Variants in DYNC2H1 observed in about 807,000 individuals in gnomAD.
DYNC2H1 encodes dynein cytoplasmic 2 heavy chain 1.
Under a neutral mutation model 570.0 loss-of-function variants are expected in DYNC2H1, and 410 were observed. The observed-to-expected ratio is 0.72, with a 90% CI of 0.66 to 0.78. The LOEUF is 0.78. Among genes scored for constraint, DYNC2H1 ranks in the 30% least tolerant of loss-of-function variants. DYNC2H1 has a pLI of 0.00. For synonymous variants in DYNC2H1, 1,688 were observed against 1,677.6 expected, an observed-to-expected ratio of 1.01 and a Z score of -0.15; for missense variants, 4,865 against 5,046.4, an observed-to-expected ratio of 0.96 and a Z score of 1.09.
At chr11:103,296,738 TC>T (rs1270318207) in intron 75 of DYNC2H1, among the ~76,000 whole-genome samples, 27 of 152,120 alleles carry the variant, frequency 1.8e-4, no homozygotes, top group African/African-American at 6.3e-4. Flanking sequence ...CTTTTCTGGA[TC>T]TTTTTTTTTT....
chr11:103,359,059 A>C (rs899335246), intron 83 of DYNC2H1, among the ~76,000 whole-genome samples: 1 of 152,172 alleles, frequency 6.6e-6, no homozygotes, highest in Non-Finnish European at 1.5e-5. Flanking sequence ...TGTTTGACTC[A>C]ATTTCCAGAG....
At chr11:103,206,944 CAG>C (rs1291562710) in intron 52 of DYNC2H1, among the ~76,000 whole-genome samples, 51 of 151,912 alleles carry the variant, frequency 3.4e-4, no homozygotes, top group Admixed American at 2.8e-3. Flanking sequence ...TTTTCCAAGA[CAG>C]AGTCTTGCTC....
At chr11:103,154,374 T>A in intron 22 of DYNC2H1, 77 bp from the exon 23 acceptor site, 2 of 1,294,916 alleles carry the variant, frequency 1.5e-6, no homozygotes, top group Middle Eastern at 2.4e-4. Context: ...AGGATTGCAG[T>A]TAAGTAACTT....
intron 88 of DYNC2H1, 67 bp downstream of exon 88, chr11:103,468,772 G>GAATGTCTTCTTGAA: frequency 7.8e-7 from 1 of 1,276,662 alleles, no homozygotes; most frequent in Non-Finnish European, 1.1e-6. Context: ...ATCTTTTCAA[G>GAATGTCTTCTTGAA]AAGACATTCT....
At chr11:103,364,327 T>G (rs1591634362) in intron 83 of DYNC2H1, among the ~76,000 whole-genome samples, 2 of 41,270 alleles carry the variant, frequency 4.8e-5, no homozygotes, top group South Asian at 1.6e-3. Flanking sequence ...CTTTTGATGA[T>G]TTTTTTTTTT....
intron 88 of DYNC2H1, among the ~76,000 whole-genome samples, chr11:103,476,268 A>T (rs1311074641): frequency 1.3e-5 from 2 of 152,178 alleles, no homozygotes; most frequent in African/African-American, 4.8e-5. Flanking sequence ...TCTGAAGTTC[A>T]ACTAAGGATT....
intron 85 of DYNC2H1, among the ~76,000 whole-genome samples, chr11:103,447,435 T>C (rs1471013912): frequency 2.0e-5 from 3 of 152,144 alleles, no homozygotes; most frequent in Non-Finnish European, 4.4e-5. Flanking sequence ...CTCAAATCCT[T>C]TGTACAGCTT....
intron 73 of DYNC2H1, 122 bp downstream of exon 73, chr11:103,283,207 C>G: frequency 3.1e-6 from 2 of 644,376 alleles, no homozygotes; most frequent in Non-Finnish European, 5.0e-6. Context: ...TAAGTTCCCC[C>G]AGTAAAAAGT....
At chr11:103,376,624 A>G (rs1941404578) in intron 83 of DYNC2H1, among the ~76,000 whole-genome samples, 1 of 152,148 alleles carries the variant, frequency 6.6e-6, no homozygotes, top group Non-Finnish European at 1.5e-5. Context: ...CTTGATTTAC[A>G]TCTTTGTGTA....
rs1861818535 is a variant in DYNC2H1 at position 103,176,462 on chromosome 11, A to G, written c.5874+28A>G. 12 of 1,415,986 alleles carry G rather than the reference A, an allele frequency of 8.5e-6. No homozygotes were observed. In the East Asian group the frequency reaches 3.3e-4, roughly 39 times the overall value. 87.7% of individuals were successfully genotyped at this position (1,415,986 alleles called of 1,614,324 possible). The stretch of plus-strand genomic sequence containing the variant: ...AACTGTCAAGAATATTTTATAATAG[A>G]TTGATCCCTTTTCCTAGTTGATTCC... On this transcript the variant is annotated intron_variant, in intron 37 of 88. Coordinates refer to ENST00000375735, the MANE Select transcript of DYNC2H1 (RefSeq NM_001377.3).
intron 84 of DYNC2H1, among the ~76,000 whole-genome samples, chr11:103,412,274 G>C (rs1943118865): frequency 6.6e-6 from 1 of 152,104 alleles, no homozygotes; most frequent in Non-Finnish European, 1.5e-5. Flanking sequence ...GATTGGAGTA[G>C]GAAATTTCCT....
In DYNC2H1 at chr11:103,371,927, G is replaced by GTTTTTTTTTTTTTTTTTTTTTT. The variant is rs60335910; in HGVS notation, c.12156+13572_12156+13593dup. Among the ~76,000 whole-genome samples, 5 of 67,894 alleles carry GTTTTTTTTTTTTTTTTTTTTTT rather than the reference G, an allele frequency of 7.4e-5. 1 individual carries two copies. Among genetic ancestry groups the GTTTTTTTTTTTTTTTTTTTTTT allele is most frequent in the African/African-American group, 1.3e-4 (2 of 15,048 alleles). The allele number at this position is 67,894 out of a possible 152,430, so 44.5% of individuals were successfully genotyped here. ...TTTGGTTTCTTCCTTTCCCATTTGG[G>GTTTTTTTTTTTTTTTTTTTTTT]TTTTTTTTTTTTTTTTTTTTTTTTT... On this transcript the variant is annotated intron_variant, in intron 83 of 88. Transcript: ENST00000375735.
intron 88 of DYNC2H1, among the ~76,000 whole-genome samples, chr11:103,476,752 G>A (rs1945562578): frequency 6.6e-6 from 1 of 151,892 alleles, no homozygotes; most frequent in Admixed American, 6.6e-5. Flanking sequence ...TGTGTGGGCG[G>A]CGGAGGGAGA....
intron 84 of DYNC2H1, among the ~76,000 whole-genome samples, chr11:103,425,122 G>C (rs963130479): frequency 2.0e-5 from 3 of 152,092 alleles, no homozygotes; most frequent in Admixed American, 6.6e-5. Flanking sequence ...TTTCTGTAGA[G>C]ATGATAGGTA....
intron 6 of DYNC2H1, among the ~76,000 whole-genome samples, chr11:103,119,168 AC>A (rs1167832359): frequency 6.6e-6 from 1 of 152,194 alleles, no homozygotes; most frequent in Non-Finnish European, 1.5e-5. Context: ...TCCATTGGCA[AC>A]CAATGAAATG....
At chr11:103,314,693 T>C (rs368506301) in intron 79 of DYNC2H1, among the ~76,000 whole-genome samples, 8 of 151,952 alleles carry the variant, frequency 5.3e-5, no homozygotes, top group African/African-American at 1.9e-4. Context: ...CATACTGTTG[T>C]TGTCATAAAA....
intron 71 of DYNC2H1, among the ~76,000 whole-genome samples, chr11:103,281,578 T>A (rs1038214211): frequency 6.6e-6 from 1 of 151,924 alleles, no homozygotes; most frequent in African/African-American, 2.4e-5. Context: ...TTCATATATT[T>A]TGCTTATTTA....
chr11:103,211,702 A>G, intron 53 of DYNC2H1, 87 bp from the exon 54 acceptor site: 1 of 562,494 alleles, frequency 1.8e-6, no homozygotes, highest in Middle Eastern at 5.0e-4. Flanking sequence ...AGTATCTTGT[A>G]TAAAATAACT....
intron 85 of DYNC2H1, among the ~76,000 whole-genome samples, chr11:103,436,791 C>T (rs762304875): frequency 6.6e-6 from 1 of 152,132 alleles, no homozygotes; most frequent in African/African-American, 2.4e-5. Flanking sequence ...TCTAGACTTT[C>T]CAGTCTCTTC....
Sources: allele counts gnomAD v4.1 joint callset (sites outside exome capture counted in the v4.1 genomes callset), GRCh38; gene constraint gnomAD v4.1.1; transcripts MANE v1.5; gene names NCBI Gene and HGNC (gene_info 2026-07-23, HGNC 2026-07-21).